COL2A1: variants seen among roughly 807,000 people sequenced by gnomAD.
The protein encoded by COL2A1 is collagen type II alpha 1 chain, also known as collagen alpha-1(II) chain.
In COL2A1, 28 loss-of-function variants were observed where a neutral mutation model predicts 204.5. The ratio of observed to expected loss-of-function variants is 0.14; its 90% CI spans 0.10 to 0.19. The LOEUF (loss-of-function observed/expected upper bound fraction) is 0.19, where lower values mean the gene tolerates loss of function less well. Ranked by LOEUF, COL2A1 falls within the 10% of genes least tolerant of loss-of-function variation. The pLI, the probability that COL2A1 is intolerant of heterozygous loss-of-function variation, is 1.00. For missense variants in COL2A1, 1,388 were observed against 2,027.5 expected, an observed-to-expected ratio of 0.68 and a Z score of 6.06; for synonymous variants, 708 against 718.7, an observed-to-expected ratio of 0.99 and a Z score of 0.24.
At chr12:47,989,556 G>A (rs1939601424) in intron 17 of COL2A1, among the ~76,000 whole-genome samples, 1 of 152,210 alleles carries the variant, frequency 6.6e-6, no homozygotes, top group Admixed American at 6.5e-5. Flanking sequence ...TGAAAGGATG[G>A]CTGAGGAAAA....
Position 47,993,584 on chromosome 12 carries a change from C to G in COL2A1, c.925-82G>C. Reference sequence around the variant, plus strand: ...ACTCCTAGGGAAGACGCCAAAAGCCCTGGTCATCTCAGCTCGCACTGACAC... The same window carrying G: ...ACTCCTAGGGAAGACGCCAAAAGCCGTGGTCATCTCAGCTCGCACTGACAC... On this transcript the variant is annotated intron_variant, in intron 14 of 53. Coordinates refer to ENST00000380518, the MANE Select transcript of COL2A1 (RefSeq NM_001844.5). 3 of 1,303,198 alleles carry G rather than the reference C, an allele frequency of 2.3e-6. No homozygotes were observed. The Admixed American group carries it at 5.0e-5, about 22-fold the overall frequency. The allele number at this position is 1,303,198 out of a possible 1,614,324, so 80.7% of individuals were successfully genotyped here. A position where few individuals can be genotyped will look rare whatever the true frequency, so the allele number is the denominator to read the frequency against.
In COL2A1 at chr12:47,974,684, A is replaced by C; in HGVS notation, c.4065T>G (p.Gly1355=). The C allele has an allele frequency of 6.2e-7, 1 of 1,614,208 alleles. No homozygotes were observed. Among genetic ancestry groups the C allele is most frequent in the South Asian group, 1.1e-5 (1 of 91,088 alleles). ...KHIWFGETIN[G]GFHFSYGDDN... ...GCACCCAGGTACTCACATGGAAGCC[A>C]CCATTGATGGTTTCTCCAAACCAGA... Residue 1355 remains glycine, a synonymous_variant, in exon 52 of 54, where the codon GGT becomes GGG. Coordinates refer to ENST00000380518, the MANE Select transcript of COL2A1 (RefSeq NM_001844.5).
chr12:47,989,136 G>A (rs1939579150), intron 18 of COL2A1, 92 bp downstream of exon 18: 2 of 1,066,730 alleles, frequency 1.9e-6, no homozygotes, highest in Non-Finnish European at 2.9e-6. Flanking sequence ...GAAGGGAGCA[G>A]GTGGTTGTTG....
intron 30 of COL2A1, 45 bp downstream of exon 30, chr12:47,983,638 G>T: frequency 6.4e-7 from 1 of 1,571,380 alleles, no homozygotes; most frequent in Non-Finnish European, 8.6e-7. Flanking sequence ...AGGGAGCCCT[G>T]GGTATGGCAA....
rs935062575 is a variant in COL2A1 at position 47,986,773 on chromosome 12, C to A, written c.1419+62G>T. ...GGAGGGAGGTGGTGGGTCAGTGGGG[C>A]TGAGGCCTGTGCCTCATAGAACAGC... is the stretch of plus-strand genomic sequence containing the variant. On this transcript the variant is annotated intron_variant, in intron 22 of 53. Coordinates refer to ENST00000380518, the MANE Select transcript of COL2A1 (RefSeq NM_001844.5). The A allele has an allele frequency of 3.2e-6, 5 of 1,573,670 alleles. No individual in the cohort carries two copies. In the African/African-American group the frequency reaches 5.4e-5, roughly 17 times the overall value.
At position 47,976,643 on chromosome 12, in the gene COL2A1, GC is replaced by G; in HGVS notation, c.3436-77del. ...CTATATTCTGGGAGCTGGGGGAACA[GC>G]TTTATGTCCCAGCCCCATTCCCTTT... On this transcript the variant is annotated intron_variant, in intron 48 of 53. Transcript: ENST00000380518. The surrounding 1 kb of genome is among the most constrained non-coding windows in gnomAD (Gnocchi z 4.3). 6.7e-7 allele frequency: 1 copy of G among 1,500,872 alleles called. No individual in the cohort carries two copies. Among genetic ancestry groups the G allele is most frequent in the Non-Finnish European group, 9.3e-7 (1 of 1,079,838 alleles). 93.0% of individuals were successfully genotyped at this position (1,500,872 alleles called of 1,614,324 possible). A position where few individuals can be genotyped will look rare whatever the true frequency, so the allele number is the denominator to read the frequency against.
Position 47,993,438 on chromosome 12 carries a change from TG to T in COL2A1, c.969+19del. 1 of 1,597,154 alleles carries T rather than the reference TG, an allele frequency of 6.3e-7. No homozygotes were observed. The highest frequency in any genetic ancestry group is 8.6e-7 in the Non-Finnish European group (1 of 1,164,528). Reference sequence around the variant, plus strand: ...CTGAAGAGTCTTTGATAAACCTTCCTGGAGGGTGTCCATACTTACCATTGGG... The same window carrying T: ...CTGAAGAGTCTTTGATAAACCTTCCTGAGGGTGTCCATACTTACCATTGGG... On this transcript the variant is annotated intron_variant, in intron 15 of 53. Coordinates refer to ENST00000380518, the MANE Select transcript of COL2A1 (RefSeq NM_001844.5).
At chr12:47,999,614 C>A (rs1940132911) in intron 2 of COL2A1, 1 of 349,378 alleles carries the variant, frequency 2.9e-6, no homozygotes, top group Non-Finnish European at 5.2e-6. Flanking sequence ...TAGTAATTTG[C>A]AGAGATGATT....
rs753308111 is a variant in COL2A1 at position 47,985,072 on chromosome 12, G to A, written c.1756C>T (p.Arg586Cys). ...CCCTGAGGACCTGGAGGTCCAGGAC[G>A]ACCATCTTCACCAGGGGCTCCCTGA... is the stretch of plus-strand genomic sequence containing the variant. ...GPSGAPGEDG[R>C]PGPPGPQGAR... The change falls in exon 27 of 54, where the codon CGT becomes TGT. Residue 586 changes from arginine (R) to cysteine (C), a missense_variant. By Grantham distance (180) the Arg-to-Cys change is radical. Transcript: ENST00000380518. 2.5e-6 allele frequency: 4 copies of A among 1,613,660 alleles called. No homozygotes were observed. The highest frequency in any genetic ancestry group is 1.1e-5 in the South Asian group (1 of 91,014).
rs1000135028 is a variant in COL2A1, at chr12:47,978,188, A to G, written c.3004-71T>C. Reference sequence around the variant, plus strand: ...CCTGCCCAGGGCCCACTGACCCTTCAGGGAGAGGGCAGACAAGGGACAGTC... The same window carrying G: ...CCTGCCCAGGGCCCACTGACCCTTCGGGGAGAGGGCAGACAAGGGACAGTC... On this transcript the variant is annotated intron_variant, in intron 43 of 53. Transcript: ENST00000380518. This position sits in a 1 kb window ranked among gnomAD's most constrained non-coding sequence, Gnocchi z 5.5. 1.6e-4 allele frequency: 258 copies of G among 1,575,494 alleles called. 4 individuals are homozygous for G. The highest frequency in any genetic ancestry group is 2.3e-5 in the Non-Finnish European group (26 of 1,151,792).
chr12:47,980,665 T>C lies in COL2A1; in HGVS notation c.2518-4A>G, dbSNP rs1348530478. 2.5e-6 allele frequency: 4 copies of C among 1,609,056 alleles called. No individual in the cohort carries two copies. In the South Asian group the frequency reaches 3.3e-5, roughly 13 times the overall value. On this transcript the variant is annotated splice_region_variant and splice_polypyrimidine_tract_variant and intron_variant, in intron 38 of 53. Transcript: ENST00000380518. The surrounding 1 kb of genome is among the most constrained non-coding windows in gnomAD (Gnocchi z 4.5). ...CCCCAGGCTGGCCATCAGCACCCTA[T>C]AATGGGAAGGAGGAAGCAGGTGAAT...
intron 1 of COL2A1, among the ~76,000 whole-genome samples, chr12:48,002,188 C>T (rs1304828852): frequency 1.3e-5 from 2 of 152,334 alleles, no homozygotes; most frequent in Admixed American, 1.3e-4. Flanking sequence ...GCCAATCTCC[C>T]AATGCAAACA....
In COL2A1 at chr12:47,976,215, G is replaced by A. The variant is rs1592198200; in HGVS notation, c.3490-145C>T. On this transcript the variant is annotated intron_variant, in intron 49 of 53. Coordinates refer to ENST00000380518, the MANE Select transcript of COL2A1 (RefSeq NM_001844.5). This position sits in a 1 kb window ranked among gnomAD's most constrained non-coding sequence, Gnocchi z 4.3. ...TGCTCAGTCATGGAACCCTAAGTTG[G>A]TCTCTATTTGGCCAAGAACCAGCAG... is the stretch of plus-strand genomic sequence containing the variant. 3.5e-5 allele frequency: 26 copies of A among 744,376 alleles called. 1 individual carries two copies. The highest frequency in any genetic ancestry group is 3.5e-4 in the South Asian group (24 of 68,810). 46.1% of individuals were successfully genotyped at this position (744,376 alleles called of 1,614,324 possible).
In COL2A1 at chr12:48,004,439, G is replaced by A. The variant is rs1012538647; in HGVS notation, c.-118C>T. 3 of 615,884 alleles carry A rather than the reference G, an allele frequency of 4.9e-6. No individual in the cohort carries two copies. The highest frequency in any genetic ancestry group is 1.9e-5 in the African/African-American group (1 of 53,080). The allele number at this position is 615,884 out of a possible 1,614,324, so 38.2% of individuals were successfully genotyped here. ...ATGCAGGAGGCCCTTGGAGCAGGAG[G>A]GGGAAGCGGGAGACCCGGCAGCCCA... On this transcript the variant is annotated 5_prime_UTR_variant, in exon 1 of 54. Coordinates refer to ENST00000380518, the MANE Select transcript of COL2A1 (RefSeq NM_001844.5).
intron 34 of COL2A1, 109 bp from the exon 35 acceptor site, chr12:47,982,269 A>G (rs535917459): frequency 2.7e-4 from 275 of 1,031,728 alleles, no homozygotes; most frequent in Non-Finnish European, 3.6e-4. Context: ...CCTGCCCAAG[A>G]GGAATTTGCT....
intron 40 of COL2A1, 143 bp downstream of exon 40, chr12:47,979,866 C>T: frequency 2.6e-6 from 2 of 769,040 alleles, no homozygotes; most frequent in Non-Finnish European, 4.2e-6. Flanking sequence ...TCTCTCCCAC[C>T]TGGCTGTGGG....
rs1938725238 is a variant in COL2A1 at position 47,976,724 on chromosome 12, C to A, written c.3435+88G>T. The A allele has an allele frequency of 1.4e-6, 2 of 1,421,346 alleles. No individual in the cohort carries two copies. Among genetic ancestry groups the A allele is most frequent in the Non-Finnish European group, 2.0e-6 (2 of 1,020,296 alleles). 88.0% of individuals were successfully genotyped at this position (1,421,346 alleles called of 1,614,324 possible). ...AATCCTAGAAACTGCTTAGGGTGAT[C>A]CCAAGCTGTCCTGGCAGCACAGGGA... On this transcript the variant is annotated intron_variant, in intron 48 of 53. Transcript: ENST00000380518. The surrounding 1 kb of genome is among the most constrained non-coding windows in gnomAD (Gnocchi z 4.3).
intron 28 of COL2A1, among the ~76,000 whole-genome samples, 174 bp from the exon 29 acceptor site, chr12:47,984,314 A>G (rs1939264388): frequency 6.6e-6 from 1 of 151,830 alleles, no homozygotes; most frequent in Admixed American, 6.6e-5. Context: ...GTCTTTTCTT[A>G]GCTGTTCTCA....
chr12:47,985,740 A>T lies in COL2A1; in HGVS notation c.1668T>A (p.Leu556=). ...GDPGRPGEPG[L]PGARGLTGRP... is the part of the protein sequence containing the mutation. ...CTCTGCTACTTACCCGGGCTCCAGGAAGGCCAGGTTCTCCAGGACGGCCAG... is the reference window on the plus strand; with the variant it reads ...CTCTGCTACTTACCCGGGCTCCAGGTAGGCCAGGTTCTCCAGGACGGCCAG... Residue 556 remains leucine (L), a synonymous_variant, in exon 25 of 54, where the codon CTT becomes CTA. Coordinates refer to ENST00000380518, the MANE Select transcript of COL2A1 (RefSeq NM_001844.5). 6.2e-7 allele frequency: 1 copy of T among 1,613,982 alleles called. No homozygotes were observed. Among genetic ancestry groups the T allele is most frequent in the Non-Finnish European group, 8.5e-7 (1 of 1,179,962 alleles).
Sources: allele counts gnomAD v4.1 joint callset (sites outside exome capture counted in the v4.1 genomes callset), GRCh38; gene constraint gnomAD v4.1.1; non-coding constraint Gnocchi (gnomAD v3.1); transcripts MANE v1.5; gene names NCBI Gene and HGNC (gene_info 2026-07-23, HGNC 2026-07-21).